SPOCK1: variants seen among roughly 807,000 people sequenced by gnomAD.
The protein encoded by SPOCK1 is SPARC (osteonectin), cwcv and kazal like domains proteoglycan 1, also known as testican-1.
In SPOCK1, 23 loss-of-function variants were observed where a neutral mutation model predicts 55.3. The ratio of observed to expected loss-of-function variants is 0.42; its 90% CI spans 0.30 to 0.59. SPOCK1 has a LOEUF of 0.59. SPOCK1 is among the 20% of genes least tolerant of loss of function. The pLI, the probability that SPOCK1 is intolerant of heterozygous loss-of-function variation, is 0.22. For synonymous variants in SPOCK1, 226 were observed against 221.0 expected (o/e 1.02, Z -0.20); for missense variants, 499 against 552.5 (o/e 0.90, Z 0.97).
chr5:137,160,580 A>ATAT (rs1424444966), intron 3 of SPOCK1, among the ~76,000 whole-genome samples: 3 of 54,640 alleles, frequency 5.5e-5, no homozygotes, highest in East Asian at 8.1e-4. Flanking sequence ...ATTATATAAT[A>ATAT]TATATAATAT....
At chr5:137,290,035 CTGTT>C (rs1443589363) in intron 2 of SPOCK1, among the ~76,000 whole-genome samples, 1 of 152,166 alleles carries the variant, frequency 6.6e-6, no homozygotes, top group African/African-American at 2.4e-5. Context: ...CTTCAGAAAA[CTGTT>C]TGGCAATAGG....
intron 10 of SPOCK1, 62 bp from the exon 11 acceptor site, chr5:136,978,906 G>C: frequency 6.6e-7 from 1 of 1,505,646 alleles, no homozygotes. Flanking sequence ...CCACGTCAGG[G>C]GTTCCTTTGC....
chr5:137,177,394 C>G (rs1342210570), intron 3 of SPOCK1, among the ~76,000 whole-genome samples: 4 of 152,114 alleles, frequency 2.6e-5, no homozygotes, highest in Non-Finnish European at 4.4e-5. Context: ...GGCCCCTTCA[C>G]TTAGAAAACA....
At chr5:137,159,063 C>A (rs1754476542) in intron 3 of SPOCK1, among the ~76,000 whole-genome samples, 1 of 152,142 alleles carries the variant, frequency 6.6e-6, no homozygotes, top group Admixed American at 6.5e-5. Context: ...TTGACCAAAT[C>A]AGCTATGGCC....
At chr5:137,344,825 A>T (rs922231213) in intron 2 of SPOCK1, among the ~76,000 whole-genome samples, 1 of 141,152 alleles carries the variant, frequency 7.1e-6, no homozygotes, top group African/African-American at 2.6e-5. Flanking sequence ...GCCATTTTTT[A>T]AAAAAACAAA....
chr5:137,361,233 A>T (rs1750936687), intron 2 of SPOCK1, among the ~76,000 whole-genome samples: 1 of 152,192 alleles, frequency 6.6e-6, no homozygotes, highest in African/African-American at 2.4e-5. Context: ...TGTGAGAAAT[A>T]AGTGTCTTTT....
chr5:137,304,159 A>G (rs891108156), intron 2 of SPOCK1, among the ~76,000 whole-genome samples: 2 of 152,286 alleles, frequency 1.3e-5, no homozygotes, highest in Middle Eastern at 6.8e-3. Context: ...AGGGGGAAAA[A>G]ATCCACCACC....
chr5:137,039,904 G>C (rs778460697), intron 6 of SPOCK1, among the ~76,000 whole-genome samples: 15 of 152,226 alleles, frequency 9.9e-5, no homozygotes, highest in Non-Finnish European at 2.1e-4. Context: ...CCTAAGGTTA[G>C]GTTATGACCA....
chr5:137,485,362 T>C (rs1242329993), intron 2 of SPOCK1, among the ~76,000 whole-genome samples: 1 of 152,260 alleles, frequency 6.6e-6, no homozygotes, highest in Non-Finnish European at 1.5e-5. Context: ...GATACACTTT[T>C]GTTGAATTGG....
intron 2 of SPOCK1, among the ~76,000 whole-genome samples, chr5:137,368,827 C>T (rs888214471): frequency 1.3e-5 from 2 of 152,192 alleles, no homozygotes; most frequent in South Asian, 2.1e-4. Flanking sequence ...ACATGTGGTC[C>T]GCTCCCTTAT....
intron 2 of SPOCK1, among the ~76,000 whole-genome samples, chr5:137,356,798 A>ATATAT (rs1491351108): frequency 0.011 from 150 of 13,712 alleles, 19 homozygotes; most frequent in South Asian, 0.033. Flanking sequence ...CAAAAAAAAT[A>ATATAT]ATATATATAT....
intron 3 of SPOCK1, among the ~76,000 whole-genome samples, chr5:137,147,408 CA>C (rs1714806317): frequency 6.6e-6 from 1 of 152,166 alleles, no homozygotes; most frequent in Admixed American, 6.5e-5. Flanking sequence ...ATGAAAGTAC[CA>C]CAGACTGGTG....
chr5:137,337,432 G>A (rs1006639974), intron 2 of SPOCK1, among the ~76,000 whole-genome samples: 2 of 152,118 alleles, frequency 1.3e-5, no homozygotes, highest in Non-Finnish European at 2.9e-5. Flanking sequence ...CACCTCCTAG[G>A]TATCCCTACT....
intron 5 of SPOCK1, among the ~76,000 whole-genome samples, chr5:137,071,908 T>C (rs1167064326): frequency 6.6e-5 from 10 of 152,246 alleles, no homozygotes; most frequent in African/African-American, 2.4e-4. Flanking sequence ...AAGGACTCTA[T>C]GTAAAGACTA....
chr5:137,309,996 T>A (rs1437001396), intron 2 of SPOCK1, among the ~76,000 whole-genome samples: 1 of 152,152 alleles, frequency 6.6e-6, no homozygotes, highest in African/African-American at 2.4e-5. Context: ...TCACTCAAAA[T>A]TGCTTGCCTC....
chr5:137,495,317 T>C (rs1186430437), intron 2 of SPOCK1, among the ~76,000 whole-genome samples: 3 of 152,156 alleles, frequency 2.0e-5, no homozygotes, highest in Non-Finnish European at 2.9e-5. Context: ...CACCCAGTAG[T>C]CAAGGGATAT....
intron 6 of SPOCK1, among the ~76,000 whole-genome samples, chr5:137,060,420 A>C (rs1752375726): frequency 6.6e-6 from 1 of 152,290 alleles, no homozygotes; most frequent in Admixed American, 6.5e-5. Context: ...GACACAAAGA[A>C]GGGAACACTA....
chr5:137,167,565 T>C (rs552051824), intron 3 of SPOCK1, among the ~76,000 whole-genome samples: 2 of 152,208 alleles, frequency 1.3e-5, no homozygotes, highest in East Asian at 1.9e-4. Flanking sequence ...CCTTTTTTGT[T>C]AGGTCACAAA....
At chr5:137,273,289 G>T in intron 2 of SPOCK1, 1 of 755,500 alleles carries the variant, frequency 1.3e-6, no homozygotes, top group Non-Finnish European at 1.6e-6. Context: ...TTACTACTGA[G>T]ATTTCAGATT....
Sources: allele counts gnomAD v4.1 joint callset (sites outside exome capture counted in the v4.1 genomes callset), GRCh38; gene constraint gnomAD v4.1.1; transcripts MANE v1.5; gene names NCBI Gene and HGNC (gene_info 2026-07-23, HGNC 2026-07-21).